Variants in RGL2 observed in about 807,000 individuals in gnomAD.
RGL2 encodes ral guanine nucleotide dissociation stimulator like 2, also known as ral guanine nucleotide dissociation stimulator-like 2.
In RGL2, 40 loss-of-function variants were observed where a neutral mutation model predicts 84.6. That is an observed-to-expected ratio of 0.47 (90% CI 0.37 to 0.62). The LOEUF (loss-of-function observed/expected upper bound fraction) is 0.62, where lower values mean the gene tolerates loss of function less well. RGL2 is among the 20% of genes least tolerant of loss of function. The pLI is 0.00. For synonymous variants in RGL2, 369 were observed against 417.3 expected (o/e 0.88, Z 1.41); for missense variants, 865 against 1,019.7 (o/e 0.85, Z 2.07).
rs750385143 is a variant in RGL2, at chr6:33,293,121, C to T, written c.1902G>A (p.Gly634=). ...LSGGAEEASG[G]TGYGGEGSGP... is the part of the protein sequence containing the mutation. ...CAGATCCCTCTCCCCCATATCCAGT[C>T]CCCCCGGAGGCCTCTTCTGCACCCC... The change falls in exon 16 of 18, where the codon GGG becomes GGA. Residue 634 remains glycine (G), a synonymous_variant. Coordinates refer to ENST00000497454, the MANE Select transcript of RGL2 (RefSeq NM_004761.5). This position sits in a 1 kb window ranked among gnomAD's most constrained non-coding sequence, Gnocchi z 7.0. The T allele has an allele frequency of 6.2e-7, 1 of 1,613,344 alleles. No homozygotes were observed.
chr6:33,299,763 G>C (rs919536686), upstream of RGL2: 1 of 152,364 alleles, frequency 6.6e-6, no homozygotes, highest in Non-Finnish European at 1.5e-5. This position sits in a 1 kb window ranked among gnomAD's most constrained non-coding sequence, Gnocchi z 5.0. Context: ...CTGGCCGACC[G>C]TCCTGACTCG....
Position 33,293,749 on chromosome 6 carries a change from C to A in RGL2, c.1508+46G>T, listed in dbSNP as rs758995344. On this transcript the variant is annotated intron_variant, in intron 13 of 17. Coordinates refer to ENST00000497454, the MANE Select transcript of RGL2 (RefSeq NM_004761.5). The surrounding 1 kb of genome is among the most constrained non-coding windows in gnomAD (Gnocchi z 7.0). Reference sequence around the variant, plus strand: ...AGCTCAGGACATGACACCAATCCCCCACACCTGGCCAGAACCCTGGAGTCC... The same window carrying A: ...AGCTCAGGACATGACACCAATCCCCAACACCTGGCCAGAACCCTGGAGTCC... 24 of 1,613,208 alleles carry A rather than the reference C, an allele frequency of 1.5e-5. No individual in the cohort carries two copies. The South Asian group carries it at 2.3e-4, about 16-fold the overall frequency.
In RGL2 at chr6:33,294,405, G is replaced by A. The variant is rs1767732025; in HGVS notation, c.1353+283C>T. ...GTTTATTTAACAAACTCTAGCAATA[G>A]AGCAGGAGCCCATCACAAAACCTAG... is the stretch of plus-strand genomic sequence containing the variant. On this transcript the variant is annotated intron_variant, in intron 11 of 17. Transcript: ENST00000497454. The surrounding 1 kb of genome is among the most constrained non-coding windows in gnomAD (Gnocchi z 5.0). 6.6e-6 allele frequency among the ~76,000 whole-genome samples: 1 copy of A among 152,134 alleles called. No homozygotes were observed. The highest frequency in any genetic ancestry group is 1.5e-5 in the Non-Finnish European group (1 of 68,020).
chr6:33,292,201 A>G lies in RGL2; in HGVS notation c.2235T>C (p.Ser745=). ...GAGGAGTTCCTGAGGCAGACGGGCC[A>G]CTGGTGACGCCAGGTGTAGCAGTAG... is the stretch of plus-strand genomic sequence containing the variant. ...RSSTATPGVT[S]GPSASGTPPS... Residue 745 remains serine, a synonymous_variant, in exon 18 of 18, where the codon AGT becomes AGC. Coordinates refer to ENST00000497454, the MANE Select transcript of RGL2 (RefSeq NM_004761.5). 2 of 1,614,174 alleles carry G rather than the reference A, an allele frequency of 1.2e-6. No individual in the cohort carries two copies. The highest frequency in any genetic ancestry group is 1.7e-6 in the Non-Finnish European group (2 of 1,180,018).
In RGL2 at chr6:33,293,787, C is replaced by G; in HGVS notation, c.1508+8G>C. On this transcript the variant is annotated splice_region_variant and intron_variant, in intron 13 of 17. Coordinates refer to ENST00000497454, the MANE Select transcript of RGL2 (RefSeq NM_004761.5). This position sits in a 1 kb window ranked among gnomAD's most constrained non-coding sequence, Gnocchi z 7.0. ...AACCCTGGAGTCCCAACCTCACCCGCCAGTCACCTCTGAGCCTCTGTCAGT... is the reference window on the plus strand; with the variant it reads ...AACCCTGGAGTCCCAACCTCACCCGGCAGTCACCTCTGAGCCTCTGTCAGT... 6.2e-7 allele frequency: 1 copy of G among 1,614,016 alleles called. No homozygotes were observed. The highest frequency in any genetic ancestry group is 2.2e-5 in the East Asian group (1 of 44,890).
In RGL2 at chr6:33,295,239, G is replaced by A. The variant is rs983224160; in HGVS notation, c.1125-28C>T. The A allele has an allele frequency of 2.5e-6, 4 of 1,580,530 alleles. No homozygotes were observed. The South Asian group carries it at 4.6e-5, about 18-fold the overall frequency. The stretch of plus-strand genomic sequence containing the variant: ...GGGGAAGGGAGAAAAGTGGCCCTGA[G>A]GACAGGCCTGGCTCTGTCACCCCCT... On this transcript the variant is annotated intron_variant, in intron 8 of 17. Transcript: ENST00000497454. This position sits in a 1 kb window ranked among gnomAD's most constrained non-coding sequence, Gnocchi z 7.2.
At position 33,292,306 on chromosome 6, in the gene RGL2, A is replaced by G. The variant is rs1767479386; in HGVS notation, c.2130T>C (p.Thr710=). 1 of 1,613,892 alleles carries G rather than the reference A, an allele frequency of 6.2e-7. No individual in the cohort carries two copies. The highest frequency in any genetic ancestry group is 1.1e-5 in the South Asian group (1 of 91,078). The part of the protein sequence containing the change: ...VQLLPGEREL[T]IPASANVFYA... ...AGAATACATTAGCCGAGGCTGGGAT[A>G]GTCAGCTCTGAAGGTTCAGGGGATG... Residue 710 remains threonine, a synonymous_variant, in exon 18 of 18, where the codon ACT becomes ACC. Transcript: ENST00000497454.
At position 33,293,049 on chromosome 6, in the gene RGL2, C is replaced by T. The variant is rs2150928787; in HGVS notation, c.1974G>A (p.Leu658=). 6.2e-7 allele frequency: 1 copy of T among 1,614,200 alleles called. No homozygotes were observed. Among genetic ancestry groups the T allele is most frequent in the Non-Finnish European group, 8.5e-7 (1 of 1,180,056 alleles). ...TCTTATAGACACTGCCATCTTCCCC[C>T]AACTCCATCTGGACTCGGATGATAC... is the stretch of plus-strand genomic sequence containing the variant. ...DCRIIRVQME[L]GEDGSVYKSI... The change falls in exon 16 of 18, where the codon TTG becomes TTA. Residue 658 remains leucine (L), a synonymous_variant. Transcript: ENST00000497454. The surrounding 1 kb of genome is among the most constrained non-coding windows in gnomAD (Gnocchi z 7.0).
chr6:33,292,439 C>A lies in RGL2; in HGVS notation c.2113G>T (p.Gly705Trp). The A allele has an allele frequency of 6.2e-7, 1 of 1,614,092 alleles. No individual in the cohort carries two copies. The highest frequency in any genetic ancestry group is 1.1e-5 in the South Asian group (1 of 91,084). Residue 705 changes from glycine (G) to tryptophan (W), a missense_variant, in exon 17 of 18, where the codon GGG becomes TGG. This residue lies in a region of RGL2 where 302 missense variants were observed against 327.9 expected (regional missense o/e 0.92). Coordinates refer to ENST00000497454, the MANE Select transcript of RGL2 (RefSeq NM_004761.5). ...SEYELVQLLP[G>W]ERELTIPASA... Reference sequence around the variant, plus strand: ...CCTCATGGCCTCTGACCTCGCTCCCCTGGTAGCAGCTGTACCAGCTCATAC... The same window carrying A: ...CCTCATGGCCTCTGACCTCGCTCCCATGGTAGCAGCTGTACCAGCTCATAC...
Position 33,298,400 on chromosome 6 carries a change from A to C in RGL2, c.156+55T>G. The C allele has an allele frequency of 5.2e-6, 5 of 963,908 alleles. No homozygotes were observed. The highest frequency in any genetic ancestry group is 3.0e-6 in the Non-Finnish European group (2 of 655,898). 59.7% of individuals were successfully genotyped at this position (963,908 alleles called of 1,614,324 possible). ...ATGTAGGGACCCAGAGACAAGAGAA[A>C]AGTGGAGACTTCAGAAATACATACG... is the stretch of plus-strand genomic sequence containing the variant. On this transcript the variant is annotated intron_variant, in intron 2 of 17. Transcript: ENST00000497454. The surrounding 1 kb of genome is among the most constrained non-coding windows in gnomAD (Gnocchi z 4.8).
Position 33,293,686 on chromosome 6 carries a change from A to G in RGL2, c.1522T>C (p.Cys508Arg). 2 of 1,614,118 alleles carry G rather than the reference A, an allele frequency of 1.2e-6. No individual in the cohort carries two copies. Among genetic ancestry groups the G allele is most frequent in the East Asian group, 2.2e-5 (1 of 44,876 alleles). ...CTGGAACCAGGTGGCTCCACCTCAC[A>G]GGATACACGATGGCTGGGTTAGGGG... ...LTEAQSHRVS[C>R]EVEPPGSSDP... Residue 508 changes from cysteine (C) to arginine (R), a missense_variant, in exon 14 of 18, where the codon TGT (cysteine) becomes CGT (arginine). Coordinates refer to ENST00000497454, the MANE Select transcript of RGL2 (RefSeq NM_004761.5). The surrounding 1 kb of genome is among the most constrained non-coding windows in gnomAD (Gnocchi z 7.0).
At position 33,293,547 on chromosome 6, in the gene RGL2, G is replaced by A; in HGVS notation, c.1605-23C>T. ...ACCCTGCAGTGGCAGGAGATTGGGA[G>A]GATCAGAGAAAAGTGGAAGTCCCAA... On this transcript the variant is annotated intron_variant, in intron 14 of 17. Transcript: ENST00000497454. The surrounding 1 kb of genome is among the most constrained non-coding windows in gnomAD (Gnocchi z 7.0). The A allele has an allele frequency of 1.2e-6, 2 of 1,612,604 alleles. No individual in the cohort carries two copies. Among genetic ancestry groups the A allele is most frequent in the Non-Finnish European group, 8.5e-7 (1 of 1,179,072 alleles).
chr6:33,296,433 C>G lies in RGL2; in HGVS notation c.451G>C (p.Glu151Gln). ...LEALESHPTD[E>Q]LERTTEVAIS... ...ACTCACTCTGTTGTCCTCTCTAGTT[C>G]GTCGGTAGGATGAGATTCAAGGGCT... is the stretch of plus-strand genomic sequence containing the variant. The change falls in exon 5 of 18, where the codon GAA (glutamate) becomes CAA (glutamine). Residue 151 changes from glutamate to glutamine, a missense_variant. Around this residue, in one of 5 missense-constraint regions of RGL2, gnomAD observed 455 missense variants for 507.8 expected, o/e 0.90. Transcript: ENST00000497454. The surrounding 1 kb of genome is among the most constrained non-coding windows in gnomAD (Gnocchi z 5.0). 1 of 1,611,160 alleles carries G rather than the reference C, an allele frequency of 6.2e-7. No homozygotes were observed. The highest frequency in any genetic ancestry group is 8.5e-7 in the Non-Finnish European group (1 of 1,178,442).
chr6:33,292,150 A>C lies in RGL2; in HGVS notation c.2286T>G (p.Phe762Leu). 1 of 1,614,162 alleles carries C rather than the reference A, an allele frequency of 6.2e-7. No homozygotes were observed. Among genetic ancestry groups the C allele is most frequent in the Non-Finnish European group, 8.5e-7 (1 of 1,180,024 alleles). Reference protein sequence around the residue: ...TPPSEGGGGSFPRIKATGRKI... With the variant: ...TPPSEGGGGSLPRIKATGRKI... ...TCCTCCCTGTGGCCTTGATCCTGGG[A>C]AAGGAGCCCCCTCCTCCCTCACTCG... The change falls in exon 18 of 18, where the codon TTT becomes TTG. Residue 762 changes from phenylalanine to leucine, a missense_variant. Transcript: ENST00000497454.
rs1768213404 is a variant in RGL2 at position 33,298,340 on chromosome 6, G to A, written c.156+115C>T. 4.9e-6 allele frequency: 3 copies of A among 612,428 alleles called. No homozygotes were observed. The South Asian group carries it at 6.3e-5, about 13-fold the overall frequency. 37.9% of individuals were successfully genotyped at this position (612,428 alleles called of 1,614,324 possible). On this transcript the variant is annotated intron_variant, in intron 2 of 17. Transcript: ENST00000497454. The surrounding 1 kb of genome is among the most constrained non-coding windows in gnomAD (Gnocchi z 4.8). ...AGCAGAGAAACGGGCCGACACCCAG[G>A]GAGGCGCGAGAATAACTGAGGCAAG...
upstream of RGL2, chr6:33,301,433 G>A (rs1768574134): frequency 9.0e-6 from 3 of 333,736 alleles, no homozygotes; most frequent in African/African-American, 2.1e-5. Flanking sequence ...AATTCACTGG[G>A]TGTGGTGGCA....
At position 33,294,185 on chromosome 6, in the gene RGL2, C is replaced by G; in HGVS notation, c.1354-119G>C. The stretch of plus-strand genomic sequence containing the variant: ...CCAACTCACAACCACTTCCCTCCAG[C>G]CTCTCTGACTCTTCGATCCCTCCCT... On this transcript the variant is annotated intron_variant, in intron 11 of 17. Coordinates refer to ENST00000497454, the MANE Select transcript of RGL2 (RefSeq NM_004761.5). The surrounding 1 kb of genome is among the most constrained non-coding windows in gnomAD (Gnocchi z 5.0). 1 of 1,217,910 alleles carries G rather than the reference C, an allele frequency of 8.2e-7. No individual in the cohort carries two copies. The highest frequency in any genetic ancestry group is 1.4e-5 in the South Asian group (1 of 71,084). 75.4% of individuals were successfully genotyped at this position (1,217,910 alleles called of 1,614,324 possible). A position where few individuals can be genotyped will look rare whatever the true frequency, so the allele number is the denominator to read the frequency against.
chr6:33,293,334 T>C lies in RGL2; in HGVS notation c.1717-28A>G, dbSNP rs767233567. ...AGGAACAAACAACATGGGACTGGCA[T>C]GAAGGCAGGGAGGTTTAAGGAAGAA... On this transcript the variant is annotated intron_variant, in intron 15 of 17. Transcript: ENST00000497454. The surrounding 1 kb of genome is among the most constrained non-coding windows in gnomAD (Gnocchi z 7.0). 4 of 1,569,670 alleles carry C rather than the reference T, an allele frequency of 2.5e-6. No individual in the cohort carries two copies. In the South Asian group the frequency reaches 3.6e-5, roughly 14 times the overall value.
At position 33,293,661 on chromosome 6, in the gene RGL2, CTG is replaced by C; in HGVS notation, c.1545_1546del (p.Ser516Ter). On this transcript the variant is annotated frameshift_variant, in exon 14 of 18. Transcript: ENST00000497454. LOFTEE classifies it high-confidence loss of function. The surrounding 1 kb of genome is among the most constrained non-coding windows in gnomAD (Gnocchi z 7.0). ...AAGCACCCGTGGGGCAGGAGGGTCACTGGAACCAGGTGGCTCCACCTCACAGG... is the reference window on the plus strand; with the variant it reads ...AAGCACCCGTGGGGCAGGAGGGTCACGAACCAGGTGGCTCCACCTCACAGG... 2 of 1,614,168 alleles carry C rather than the reference CTG, an allele frequency of 1.2e-6. No individual in the cohort carries two copies. Among genetic ancestry groups the C allele is most frequent in the Non-Finnish European group, 1.7e-6 (2 of 1,180,022 alleles).
Sources: allele counts gnomAD v4.1 joint callset (sites outside exome capture counted in the v4.1 genomes callset), GRCh38; gene constraint gnomAD v4.1.1; regional missense constraint gnomAD v4.1.1; non-coding constraint Gnocchi (gnomAD v3.1); transcripts MANE v1.5; gene names NCBI Gene and HGNC (gene_info 2026-07-23, HGNC 2026-07-21).